The following ACACA variants were observed in gnomAD, a reference collection of about 807,000 sequenced individuals.
ACACA encodes the protein acetyl-CoA carboxylase 1.
Under a neutral mutation model 296.1 loss-of-function variants are expected in ACACA, and 103 were observed. That is an observed-to-expected ratio of 0.35 (90% CI 0.30 to 0.41). The LOEUF (loss-of-function observed/expected upper bound fraction) is 0.41. Among genes scored for constraint, ACACA ranks in the 10% least tolerant of loss-of-function variants. The pLI, the probability that ACACA is intolerant of heterozygous loss-of-function variation, is 1.00. For missense variants in ACACA, 1,554 were observed against 2,989.7 expected, an observed-to-expected ratio of 0.52 and a Z score of 11.20; for synonymous variants, 953 against 1,038.6, an observed-to-expected ratio of 0.92 and a Z score of 1.58.
intron 1 of ACACA, among the ~76,000 whole-genome samples, chr17:37,398,988 T>C (rs1473635796): frequency 1.3e-5 from 2 of 150,618 alleles, no homozygotes; most frequent in Non-Finnish European, 3.0e-5. Context: ...CTAAATTCTT[T>C]TTTTTTTTTA....
At chr17:37,199,197 G>A (rs964076983) in intron 35 of ACACA, among the ~76,000 whole-genome samples, 1 of 148,624 alleles carries the variant, frequency 6.7e-6, no homozygotes, top group South Asian at 2.1e-4. Context: ...CTGAGATTGC[G>A]CCACTGCACT....
At chr17:37,126,967 GCTTT>G (rs754402711) in intron 47 of ACACA, among the ~76,000 whole-genome samples, 2 of 152,192 alleles carry the variant, frequency 1.3e-5, no homozygotes, top group Non-Finnish European at 2.9e-5. Flanking sequence ...GGAATCATCT[GCTTT>G]CTTTAACGCT....
At chr17:37,233,504 T>C (rs1196719166) in intron 25 of ACACA, among the ~76,000 whole-genome samples, 1 of 152,212 alleles carries the variant, frequency 6.6e-6, no homozygotes, top group Non-Finnish European at 1.5e-5. Context: ...TGCAGAAAAC[T>C]GTTAAGTTCT....
chr17:37,333,831 T>G (rs56125592), intron 2 of ACACA, among the ~76,000 whole-genome samples: 52,799 of 148,658 alleles, frequency 0.36, 12,553 homozygotes, highest in African/African-American at 0.67. Flanking sequence ...TTTACCCATA[T>G]GCCCAAATCT....
intron 3 of ACACA, among the ~76,000 whole-genome samples, chr17:37,293,538 A>AC (rs2083176654): frequency 7.0e-6 from 1 of 142,938 alleles, no homozygotes; most frequent in Non-Finnish European, 1.5e-5. Flanking sequence ...TAATTTTAGG[A>AC]CTTTTTTTTT....
chr17:37,387,743 G>GCCTT (rs2050608057), intron 1 of ACACA: 1 of 152,142 alleles, frequency 6.6e-6, no homozygotes, highest in Non-Finnish European at 1.5e-5. Flanking sequence ...ACCGCACACA[G>GCCTT]CCTTCTTCAC....
chr17:37,386,611 G>A (rs1437434777), intron 1 of ACACA, among the ~76,000 whole-genome samples: 2 of 151,888 alleles, frequency 1.3e-5, no homozygotes, highest in Non-Finnish European at 2.9e-5. Flanking sequence ...AACAAAATTA[G>A]CTTCTCTATA....
chr17:37,324,559 A>G (rs1723052039), intron 3 of ACACA, among the ~76,000 whole-genome samples: 1 of 151,196 alleles, frequency 6.6e-6, no homozygotes, highest in Non-Finnish European at 1.5e-5. Context: ...AATCCCAGCT[A>G]CTTGGGAGGC....
chr17:37,353,313 C>T (rs1384711340), intron 1 of ACACA, among the ~76,000 whole-genome samples: 1 of 151,928 alleles, frequency 6.6e-6, no homozygotes, highest in African/African-American at 2.4e-5. Context: ...AAAATATATA[C>T]ACAACTAAGA....
chr17:37,285,227 G>A (rs1157752038), intron 3 of ACACA, among the ~76,000 whole-genome samples: 2 of 152,136 alleles, frequency 1.3e-5, no homozygotes, highest in African/African-American at 4.8e-5. Flanking sequence ...ATAGGCAAAG[G>A]ATAAATGGTA....
chr17:37,302,290 A>G (rs1232384921), intron 3 of ACACA, among the ~76,000 whole-genome samples: 1 of 150,894 alleles, frequency 6.6e-6, no homozygotes, highest in South Asian at 2.1e-4. Flanking sequence ...GCAATCTGCA[A>G]CCTCCACCTC....
At chr17:37,102,535 A>G (rs556691962) in intron 52 of ACACA, among the ~76,000 whole-genome samples, 1 of 152,178 alleles carries the variant, frequency 6.6e-6, no homozygotes, top group Non-Finnish European at 1.5e-5. Flanking sequence ...GTCAGGATTT[A>G]CACTTGGGTC....
chr17:37,321,690 G>A (rs2047362617), intron 3 of ACACA, among the ~76,000 whole-genome samples: 1 of 152,190 alleles, frequency 6.6e-6, no homozygotes, highest in African/African-American at 2.4e-5. Flanking sequence ...GGAGCTTGCA[G>A]TGAGCCGAGA....
intron 2 of ACACA, among the ~76,000 whole-genome samples, chr17:37,330,952 C>A (rs1335963032): frequency 1.1e-4 from 17 of 152,000 alleles, no homozygotes; most frequent in Admixed American, 1.1e-3. Flanking sequence ...ACTCTGTCAC[C>A]CATACAGCAT....
At chr17:37,304,746 GC>G (rs1344392668) in intron 3 of ACACA, among the ~76,000 whole-genome samples, 1 of 151,270 alleles carries the variant, frequency 6.6e-6, no homozygotes. Flanking sequence ...CCAAGATCGT[GC>G]CATTGCACTC....
At chr17:37,381,777 G>A (rs968731684) in intron 1 of ACACA, among the ~76,000 whole-genome samples, 55 of 151,308 alleles carry the variant, frequency 3.6e-4, no homozygotes, top group African/African-American at 5.8e-4. Flanking sequence ...ACAGGCACTC[G>A]CCACCACACC....
At position 37,259,612 on chromosome 17, in the gene ACACA, G is replaced by A. The variant is rs888508411; in HGVS notation, c.1330-82C>T. The A allele has an allele frequency of 4.8e-6, 7 of 1,448,982 alleles. No homozygotes were observed. In the African/African-American group the frequency reaches 9.8e-5, roughly 20 times the overall value. 89.8% of individuals were successfully genotyped at this position (1,448,982 alleles called of 1,614,324 possible). On this transcript the variant is annotated intron_variant, in intron 11 of 55. Coordinates refer to ENST00000616317, the MANE Select transcript of ACACA (RefSeq NM_198834.3). ...ACTACAGCCTCTCACTGACTCAACT[G>A]TTCAGTGTGTATAAGAGCCATCAAA...
At chr17:37,328,197 G>T (rs552469039) in intron 3 of ACACA, among the ~76,000 whole-genome samples, 1 of 152,318 alleles carries the variant, frequency 6.6e-6, no homozygotes, top group South Asian at 2.1e-4. Flanking sequence ...ATATGAGTTT[G>T]AATCCAAGTT....
intron 25 of ACACA, among the ~76,000 whole-genome samples, chr17:37,233,664 T>C (rs2079970895): frequency 6.6e-6 from 1 of 152,220 alleles, no homozygotes; most frequent in Non-Finnish European, 1.5e-5. Context: ...TTTATCCAAA[T>C]GAGATTTAAC....
Sources: allele counts gnomAD v4.1 joint callset (sites outside exome capture counted in the v4.1 genomes callset), GRCh38; gene constraint gnomAD v4.1.1; transcripts MANE v1.5; gene names NCBI Gene and HGNC (gene_info 2026-07-23, HGNC 2026-07-21).